ZEB2: variants seen among roughly 807,000 people sequenced by gnomAD.
ZEB2 encodes zinc finger E-box-binding homeobox 2.
Under a neutral mutation model 99.9 loss-of-function variants are expected in ZEB2, and 6 were observed. The observed-to-expected ratio is 0.06, with a 90% CI of 0.03 to 0.12. ZEB2 has a LOEUF of 0.12. ZEB2 is among the 10% of genes least tolerant of loss of function. ZEB2 has a pLI of 1.00. For synonymous variants in ZEB2, 517 were observed against 542.5 expected (o/e 0.95, Z 0.65); for missense variants, 969 against 1,502.8 (o/e 0.64, Z 5.87).
At chr2:144,392,123 G>A (rs1426102144) in intron 9 of ZEB2, among the ~76,000 whole-genome samples, 1 of 152,196 alleles carries the variant, frequency 6.6e-6, no homozygotes, top group Non-Finnish European at 1.5e-5. Context: ...AATCTGAATA[G>A]AGAGAAGAGA....
intron 2 of ZEB2, chr2:144,513,718 G>A (rs746438117): frequency 1.3e-6 from 2 of 1,536,002 alleles, no homozygotes; most frequent in Non-Finnish European, 1.7e-6. Context: ...AACAAACTTT[G>A]CAAGTTACAA....
At chr2:144,456,081 A>C (rs1560631692) in intron 2 of ZEB2, among the ~76,000 whole-genome samples, 1 of 152,114 alleles carries the variant, frequency 6.6e-6, no homozygotes, top group Non-Finnish European at 1.5e-5. Context: ...GCTGCCTCTA[A>C]GACTAAGACT....
intron 2 of ZEB2, among the ~76,000 whole-genome samples, chr2:144,480,895 T>C (rs1704502092): frequency 6.6e-6 from 1 of 152,204 alleles, no homozygotes; most frequent in Non-Finnish European, 1.5e-5. Context: ...AAAGATACAG[T>C]CATTCACATA....
chr2:144,510,373 C>T (rs948649508), intron 2 of ZEB2, among the ~76,000 whole-genome samples: 2 of 152,036 alleles, frequency 1.3e-5, no homozygotes, highest in Admixed American at 6.6e-5. Flanking sequence ...GGGCCCTCAC[C>T]TCTCTGGTCC....
At chr2:144,409,083 C>T (rs545173589) in intron 4 of ZEB2, among the ~76,000 whole-genome samples, 24 of 152,182 alleles carry the variant, frequency 1.6e-4, no homozygotes, top group Non-Finnish European at 2.9e-4. Flanking sequence ...TCTGACAGTT[C>T]ATTTCTAGCT....
chr2:144,512,077 C>T lies in ZEB2; in HGVS notation c.73+5201G>A, dbSNP rs1011992562. 83 of 1,286,922 alleles carry T rather than the reference C, an allele frequency of 6.4e-5. 1 individual carries two copies. The highest frequency in any genetic ancestry group is 8.0e-5 in the Non-Finnish European group (79 of 988,670). The allele number at this position is 1,286,922 out of a possible 1,614,324, so 79.7% of individuals were successfully genotyped here. On this transcript the variant is annotated intron_variant, in intron 2 of 9. Coordinates refer to ENST00000627532, the MANE Select transcript of ZEB2 (RefSeq NM_014795.4). ...AGACAATTGCCCCCTTGTGGGAATG[C>T]GGGAATGAATGGTACAGTGGACACC...
chr2:144,464,852 T>C (rs1704249498), intron 2 of ZEB2, among the ~76,000 whole-genome samples: 1 of 152,294 alleles, frequency 6.6e-6, no homozygotes, highest in East Asian at 1.9e-4. Flanking sequence ...TACTTCTACC[T>C]CAAACATGAC....
chr2:144,512,296 C>T (rs1705053002), intron 2 of ZEB2: 1 of 1,287,170 alleles, frequency 7.8e-7, no homozygotes, highest in Non-Finnish European at 1.0e-6. Flanking sequence ...ACCTTAAAAG[C>T]CTTGGAAGAA....
rs143438888 is a variant in ZEB2 at position 144,398,932 on chromosome 2, G to C, written c.2255C>G (p.Thr752Arg). The C allele has an allele frequency of 9.9e-6, 16 of 1,614,048 alleles. No individual in the cohort carries two copies. The highest frequency in any genetic ancestry group is 2.2e-5 in the East Asian group (1 of 44,904). ...PSIAELHNSV[T>R]NCDPPLRLTK... ...TAGCCTGAGAGGAGGATCACAATTC[G>C]TAACACTGTTGTGGAGTTCTGCTAT... The change falls in exon 8 of 10, where the codon ACG (threonine) becomes AGG (arginine). Residue 752 changes from threonine to arginine, a missense_variant. Thr to Arg is a moderately conservative substitution (Grantham distance 71). Around this residue, in one of 8 missense-constraint regions of ZEB2, gnomAD observed 346 missense variants for 460.0 expected, o/e 0.75. Coordinates refer to ENST00000627532, the MANE Select transcript of ZEB2 (RefSeq NM_014795.4).
At position 144,386,518 on chromosome 2, in the gene ZEB2, G is replaced by C. The variant is rs765064587; in HGVS notation, c.*2933C>G. The C allele has an allele frequency of 6.6e-6, 1 of 152,104 alleles. No homozygotes were observed. Among genetic ancestry groups the C allele is most frequent in the African/African-American group, 2.4e-5 (1 of 41,428 alleles). The allele number at this position is 152,104 out of a possible 1,614,324, so 9.4% of individuals were successfully genotyped here. ...GAGTTAGGAACAAATGACAGAGAAG[G>C]GGGTAACAGGAGGGGCAAGGCAGGG... On this transcript the variant is annotated 3_prime_UTR_variant, in exon 10 of 10. Coordinates refer to ENST00000627532, the MANE Select transcript of ZEB2 (RefSeq NM_014795.4).
At chr2:144,485,033 G>C (rs1233401373) in intron 2 of ZEB2, among the ~76,000 whole-genome samples, 2 of 152,096 alleles carry the variant, frequency 1.3e-5, no homozygotes, top group African/African-American at 2.4e-5. Flanking sequence ...GAGTCACTTA[G>C]CATGAAAATA....
intron 4 of ZEB2, among the ~76,000 whole-genome samples, chr2:144,416,340 G>A (rs776968907): frequency 2.0e-5 from 3 of 151,976 alleles, no homozygotes; most frequent in Non-Finnish European, 4.4e-5. Context: ...AGTATCAAAC[G>A]TATCTTAAAA....
chr2:144,460,006 C>T (rs1704170287), intron 2 of ZEB2, among the ~76,000 whole-genome samples: 1 of 152,084 alleles, frequency 6.6e-6, no homozygotes, highest in Admixed American at 6.6e-5. Flanking sequence ...GGTTACCCTC[C>T]GAGCCAACAG....
intron 2 of ZEB2, among the ~76,000 whole-genome samples, chr2:144,491,522 T>A (rs756597273): frequency 2.0e-5 from 3 of 152,176 alleles, no homozygotes; most frequent in Non-Finnish European, 4.4e-5. Flanking sequence ...GACTTTTTGT[T>A]GTGGTGGTGG....
intron 1 of ZEB2, 151 bp from the exon 2 acceptor site, chr2:144,517,570 C>T (rs1259842467): frequency 1.7e-5 from 10 of 571,732 alleles, no homozygotes; most frequent in Non-Finnish European, 3.2e-5. Flanking sequence ...CTCCCCGCCC[C>T]CCACCCCCAG....
chr2:144,415,765 T>A (rs1164782677), intron 4 of ZEB2, among the ~76,000 whole-genome samples: 1 of 152,216 alleles, frequency 6.6e-6, no homozygotes, highest in Non-Finnish European at 1.5e-5. Context: ...AACCACTGCA[T>A]CCTCTGAGAG....
At chr2:144,418,611 C>T (rs760488199) in intron 4 of ZEB2, among the ~76,000 whole-genome samples, 1 of 152,034 alleles carries the variant, frequency 6.6e-6, no homozygotes, top group Non-Finnish European at 1.5e-5. Flanking sequence ...TTGCTTGAAC[C>T]CAGGAGGCGG....
intron 4 of ZEB2, among the ~76,000 whole-genome samples, chr2:144,419,481 A>C (rs1234406708): frequency 1.3e-5 from 2 of 152,242 alleles, no homozygotes; most frequent in Non-Finnish European, 2.9e-5. Context: ...ACATTCAAAG[A>C]GTAAAACATC....
At chr2:144,412,893 C>T (rs1034271870) in intron 4 of ZEB2, among the ~76,000 whole-genome samples, 1 of 152,168 alleles carries the variant, frequency 6.6e-6, no homozygotes, top group African/African-American at 2.4e-5. Flanking sequence ...TGTTATTCAG[C>T]TTTGTGTCAC....
Sources: gnomAD v4.1 joint callset for allele counts (sites outside exome capture counted in the v4.1 genomes callset) on GRCh38, gnomAD v4.1.1 for gene constraint, gnomAD v4.1.1 regional missense constraint, MANE v1.5 for transcripts, NCBI Gene and HGNC (gene_info 2026-07-23, HGNC 2026-07-21) for gene names.